NEDD9: variants seen among roughly 807,000 people sequenced by gnomAD.
The protein encoded by NEDD9 is enhancer of filamentation 1.
In NEDD9, 26 loss-of-function variants were observed where a neutral mutation model predicts 76.6. That is an observed-to-expected ratio of 0.34 (90% confidence interval 0.25 to 0.47). The LOEUF (loss-of-function observed/expected upper bound fraction) is 0.47, where lower values mean the gene tolerates loss of function less well. NEDD9 is among the 20% of genes least tolerant of loss of function. The pLI is 1.00. For synonymous variants in NEDD9, 392 were observed against 414.2 expected (o/e 0.95, Z 0.65); for missense variants, 937 against 1,058.5 (o/e 0.89, Z 1.59).
chr6:11,226,226 G>C (rs1285964322), intron 1 of NEDD9, among the ~76,000 whole-genome samples: 1 of 152,202 alleles, frequency 6.6e-6, no homozygotes, highest in Non-Finnish European at 1.5e-5. Context: ...TAAGATGGAG[G>C]GGGGTGTTGT....
At chr6:11,266,712 T>G (rs983500522) in intron 3 of NEDD9, among the ~76,000 whole-genome samples, 1 of 152,212 alleles carries the variant, frequency 6.6e-6, no homozygotes, top group Non-Finnish European at 1.5e-5. Context: ...GTGGTCTGAG[T>G]CTAAGCCAGG....
At chr6:11,368,535 G>A (rs531942581) in intron 1 of NEDD9, among the ~76,000 whole-genome samples, 56 of 152,270 alleles carry the variant, frequency 3.7e-4, no homozygotes, top group Non-Finnish European at 6.5e-4. Context: ...ACACCACCAC[G>A]TAGCTCCATA....
chr6:11,340,006 C>T (rs1762241600), intron 1 of NEDD9, among the ~76,000 whole-genome samples: 1 of 152,188 alleles, frequency 6.6e-6, no homozygotes. Context: ...ATTTAAGAAG[C>T]TCTTTAAACA....
chr6:11,334,228 T>C (rs925601487), intron 2 of NEDD9, among the ~76,000 whole-genome samples: 3 of 152,204 alleles, frequency 2.0e-5, no homozygotes, highest in African/African-American at 7.2e-5. Context: ...GAAAAGAACT[T>C]AATAGGATAC....
At chr6:11,345,467 A>T (rs1212221737) in intron 1 of NEDD9, among the ~76,000 whole-genome samples, 46 of 151,032 alleles carry the variant, frequency 3.0e-4, no homozygotes, top group Admixed American at 2.8e-3. Context: ...AGAGAGAGAG[A>T]GTGTGTGTGT....
chr6:11,268,470 G>A (rs1760241031), intron 3 of NEDD9, among the ~76,000 whole-genome samples: 1 of 151,486 alleles, frequency 6.6e-6, no homozygotes, highest in African/African-American at 2.4e-5. Context: ...GCTCGTGCCT[G>A]TAATCCCAGC....
chr6:11,292,965 C>A (rs1029132016), intron 3 of NEDD9, among the ~76,000 whole-genome samples: 1 of 152,172 alleles, frequency 6.6e-6, no homozygotes, highest in African/African-American at 2.4e-5. Context: ...CACCCTAGAA[C>A]CCATGAACTA....
At chr6:11,285,296 C>T (rs1025361509) in intron 3 of NEDD9, among the ~76,000 whole-genome samples, 1 of 151,814 alleles carries the variant, frequency 6.6e-6, no homozygotes, top group African/African-American at 2.4e-5. Context: ...GTGTACAGTT[C>T]TCTGTACACC....
At chr6:11,208,288 T>C (rs1758669891) in intron 2 of NEDD9, among the ~76,000 whole-genome samples, 2 of 152,202 alleles carry the variant, frequency 1.3e-5, no homozygotes, top group East Asian at 3.8e-4. Context: ...AGATAAGCCC[T>C]TCTTTACATC....
chr6:11,200,331 A>G (rs1043732299), intron 2 of NEDD9: 12 of 471,842 alleles, frequency 2.5e-5, no homozygotes, highest in African/African-American at 2.0e-4. Flanking sequence ...AATCAGATGT[A>G]TGCTTGCCTA....
chr6:11,295,309 T>A (rs1377910034), intron 3 of NEDD9, among the ~76,000 whole-genome samples: 1 of 152,252 alleles, frequency 6.6e-6, no homozygotes, highest in East Asian at 1.9e-4. Flanking sequence ...GCGTTTTATT[T>A]TTCTGACTGT....
intron 1 of NEDD9, among the ~76,000 whole-genome samples, chr6:11,227,927 G>A (rs986416787): frequency 2.0e-5 from 3 of 152,230 alleles, no homozygotes; most frequent in African/African-American, 7.2e-5. Context: ...GGACTGACAG[G>A]CCACTCAAGT....
At chr6:11,290,480 C>T (rs1051558467) in intron 3 of NEDD9, among the ~76,000 whole-genome samples, 1 of 152,196 alleles carries the variant, frequency 6.6e-6, no homozygotes, top group African/African-American at 2.4e-5. Context: ...AGAAGCATTT[C>T]CCATAATTAC....
intron 3 of NEDD9, among the ~76,000 whole-genome samples, chr6:11,283,295 A>G (rs1760576693): frequency 6.6e-6 from 1 of 152,114 alleles, no homozygotes; most frequent in South Asian, 2.1e-4. Context: ...TTTGCTGATT[A>G]CCTGTCTCTT....
intron 1 of NEDD9, among the ~76,000 whole-genome samples, chr6:11,348,943 G>C (rs184239792): frequency 6.6e-6 from 1 of 152,284 alleles, no homozygotes; most frequent in Non-Finnish European, 1.5e-5. Flanking sequence ...TTAAACTAAT[G>C]AGCTTCTGCA....
chr6:11,371,099 C>T (rs544321449), intron 1 of NEDD9, among the ~76,000 whole-genome samples: 12 of 152,122 alleles, frequency 7.9e-5, no homozygotes, highest in African/African-American at 2.9e-4. Context: ...CCACTTAGCT[C>T]CTTTTAAAAA....
chr6:11,359,322 A>G (rs564988838), intron 1 of NEDD9, among the ~76,000 whole-genome samples: 19 of 152,312 alleles, frequency 1.2e-4, no homozygotes, highest in African/African-American at 4.6e-4. Flanking sequence ...TCAGAAGCAA[A>G]TGGGCCTTTG....
chr6:11,262,956 A>T (rs1169443519), intron 3 of NEDD9, among the ~76,000 whole-genome samples: 1 of 152,208 alleles, frequency 6.6e-6, no homozygotes, highest in Non-Finnish European at 1.5e-5. Flanking sequence ...GAGTTATTCA[A>T]TTTTTTTCCC....
chr6:11,296,592 A>G (rs1760889712), intron 3 of NEDD9, among the ~76,000 whole-genome samples: 1 of 152,108 alleles, frequency 6.6e-6, no homozygotes. Context: ...ATTTAGTGGG[A>G]AAGAATGGCA....
Sources: allele counts gnomAD v4.1 joint callset (sites outside exome capture counted in the v4.1 genomes callset), GRCh38; gene constraint gnomAD v4.1.1; transcripts MANE v1.5; gene names NCBI Gene and HGNC (gene_info 2026-07-23, HGNC 2026-07-21).